The following JAM3 variants were observed in gnomAD, a reference collection of about 807,000 sequenced individuals.
JAM3 encodes the protein junctional adhesion molecule 3.
Under a neutral mutation model 39.4 loss-of-function variants are expected in JAM3, and 31 were observed. The ratio of observed to expected loss-of-function variants is 0.79; its 90% CI spans 0.59 to 1.06. The LOEUF is 1.06. Among genes scored for constraint, JAM3 ranks in the 50% least tolerant of loss-of-function variants. The pLI, the probability that JAM3 is intolerant of heterozygous loss-of-function variation, is 0.00. For synonymous variants in JAM3, 182 were observed against 148.7 expected (o/e 1.22, Z -1.63); for missense variants, 455 against 391.4 (o/e 1.16, Z -1.37).
At chr11:134,147,567 A>G (rs113163924) in intron 6 of JAM3, among the ~76,000 whole-genome samples, 11,722 of 147,258 alleles carry the variant, frequency 0.08, 597 homozygotes, top group Admixed American at 0.11. Flanking sequence ...GCTCACTGCA[A>G]GCTCCGCCTC....
chr11:134,142,642 G>T (rs1011381571), intron 3 of JAM3, among the ~76,000 whole-genome samples: 1 of 152,006 alleles, frequency 6.6e-6, no homozygotes, highest in Admixed American at 6.6e-5. Flanking sequence ...GCTGTAATTC[G>T]TACCGCATCC....
intron 1 of JAM3, among the ~76,000 whole-genome samples, chr11:134,094,591 T>C (rs1941940969): frequency 6.6e-6 from 1 of 151,500 alleles, no homozygotes; most frequent in Non-Finnish European, 1.5e-5. Flanking sequence ...TGTTCCACCT[T>C]ACATGTCACT....
intron 1 of JAM3, among the ~76,000 whole-genome samples, chr11:134,121,662 A>G (rs1942534509): frequency 6.6e-6 from 1 of 152,212 alleles, no homozygotes; most frequent in Admixed American, 6.5e-5. Context: ...AAAAAAATCC[A>G]GTTTTGAGAA....
intron 1 of JAM3, among the ~76,000 whole-genome samples, chr11:134,118,633 T>TCCTCCTCTCTC (rs1284884265): frequency 1.3e-5 from 2 of 152,138 alleles, no homozygotes; most frequent in African/African-American, 4.8e-5. Flanking sequence ...CCTTTACTCT[T>TCCTCCTCTCTC]CCTCCTCTCT....
At chr11:134,121,153 G>A (rs1479277996) in intron 1 of JAM3, among the ~76,000 whole-genome samples, 1 of 152,210 alleles carries the variant, frequency 6.6e-6, no homozygotes, top group Non-Finnish European at 1.5e-5. Context: ...CTGGGGGACT[G>A]TGCTCCAGGG....
In JAM3 at chr11:134,148,578, G is replaced by C; in HGVS notation, c.744G>C (p.Gly248=). 6.2e-7 allele frequency: 1 copy of C among 1,614,144 alleles called. No individual in the cohort carries two copies. Among genetic ancestry groups the C allele is most frequent in the Non-Finnish European group, 8.5e-7 (1 of 1,180,034 alleles). ...TGAACATTGGCGGAATTATTGGGGG[G>C]GTTCTGGTTGTCCTTGCTGTACTGG... ...YDLNIGGIIG[G]VLVVLAVLAL... Residue 248 remains glycine (G), a synonymous_variant, in exon 7 of 9, where the codon GGG becomes GGC. Transcript: ENST00000299106.
chr11:134,104,239 A>G (rs144079249), intron 1 of JAM3, among the ~76,000 whole-genome samples: 1 of 152,182 alleles, frequency 6.6e-6, no homozygotes, highest in Non-Finnish European at 1.5e-5. Context: ...AAACTGAACA[A>G]CCTGCTCCTG....
chr11:134,147,540 G>T (rs1240673913), intron 6 of JAM3, among the ~76,000 whole-genome samples: 2 of 149,624 alleles, frequency 1.3e-5, no homozygotes, highest in East Asian at 4.1e-4. Flanking sequence ...AGGCTGGAGT[G>T]CAGTGGCACA....
intron 1 of JAM3, among the ~76,000 whole-genome samples, chr11:134,105,143 A>C (rs1176486023): frequency 6.6e-6 from 1 of 152,198 alleles, no homozygotes; most frequent in Non-Finnish European, 1.5e-5. Context: ...CACATCAAAA[A>C]GCTTATCCAC....
intron 5 of JAM3, 157 bp downstream of exon 5, chr11:134,145,151 T>G: frequency 1.6e-6 from 1 of 622,666 alleles, no homozygotes; most frequent in Non-Finnish European, 2.9e-6. Flanking sequence ...ATGACCCTTC[T>G]TCCTTTTATA....
At chr11:134,127,041 T>C (rs1346298209) in intron 1 of JAM3, among the ~76,000 whole-genome samples, 5 of 152,224 alleles carry the variant, frequency 3.3e-5, no homozygotes, top group Non-Finnish European at 5.9e-5. Flanking sequence ...ACATTTCTGG[T>C]CAAGCATGCA....
intron 1 of JAM3, among the ~76,000 whole-genome samples, chr11:134,104,448 C>G (rs1401825118): frequency 6.6e-6 from 1 of 151,994 alleles, no homozygotes; most frequent in African/African-American, 2.4e-5. Context: ...ATTAAAAGAA[C>G]TAGAGAAGCA....
intron 1 of JAM3, among the ~76,000 whole-genome samples, chr11:134,077,304 T>C (rs1471023246): frequency 6.6e-6 from 1 of 151,994 alleles, no homozygotes; most frequent in Non-Finnish European, 1.5e-5. Context: ...CACTTTTTAA[T>C]GGGATTATTT....
At chr11:134,113,879 G>A (rs1222234065) in intron 1 of JAM3, among the ~76,000 whole-genome samples, 2 of 152,112 alleles carry the variant, frequency 1.3e-5, no homozygotes, top group African/African-American at 4.8e-5. Context: ...TTTAATGATC[G>A]CAATTCTAAC....
intron 1 of JAM3, among the ~76,000 whole-genome samples, chr11:134,121,261 G>A (rs470547): frequency 0.4 from 60,116 of 152,032 alleles, 12,929 homozygotes; most frequent in African/African-American, 0.58. Flanking sequence ...CAGAGTTTCC[G>A]GAAGGTCTCT....
rs1467779741 is a variant in JAM3 at position 134,151,834 on chromosome 11, C to G, written c.*2653C>G. ...GCATTTCAGTGGTTAGGCATGCACA[C>G]TAAAAATGCTATCAATCACCCATCC... On this transcript the variant is annotated 3_prime_UTR_variant, in exon 9 of 9. Coordinates refer to ENST00000299106, the MANE Select transcript of JAM3 (RefSeq NM_032801.5). 1.4e-5 allele frequency: 2 copies of G among 142,102 alleles called. No individual in the cohort carries two copies. 8.8% of individuals were successfully genotyped at this position (142,102 alleles called of 1,614,324 possible).
chr11:134,086,029 T>G (rs1941741235), intron 1 of JAM3, among the ~76,000 whole-genome samples: 1 of 152,226 alleles, frequency 6.6e-6, no homozygotes, highest in South Asian at 2.1e-4. Flanking sequence ...TTGCTGATAC[T>G]TTGTAGTTTT....
rs189949636 is a variant in JAM3 at position 134,098,592 on chromosome 11, C to T, written c.76+29433C>T. ...GGGTCAGTTGTCTTCCTTATATGTT[C>T]GCCTTAGCTAAAATGGCAGAGAGAA... On this transcript the variant is annotated intron_variant, in intron 1 of 8. Coordinates refer to ENST00000299106, the MANE Select transcript of JAM3 (RefSeq NM_032801.5). Among the ~76,000 whole-genome samples, 67 of 152,220 alleles carry T rather than the reference C, an allele frequency of 4.4e-4. No individual in the cohort carries two copies. In the East Asian group the frequency reaches 5.8e-3, roughly 13 times the overall value.
chr11:134,150,597 CTT>C lies in JAM3; in HGVS notation c.*1420_*1421del, dbSNP rs1161725336. ...AGCTTTGGGCTCCTGTAACAGACCT[CTT>C]TTTGGTTATGGATGGCTCACAAAAT... On this transcript the variant is annotated 3_prime_UTR_variant, in exon 9 of 9. Coordinates refer to ENST00000299106, the MANE Select transcript of JAM3 (RefSeq NM_032801.5). 6.6e-6 allele frequency: 1 copy of C among 151,978 alleles called. No individual in the cohort carries two copies. Among genetic ancestry groups the C allele is most frequent in the African/African-American group, 2.4e-5 (1 of 41,354 alleles). The allele number at this position is 151,978 out of a possible 1,614,324, so 9.4% of individuals were successfully genotyped here.
Sources: allele counts gnomAD v4.1 joint callset (sites outside exome capture counted in the v4.1 genomes callset), GRCh38; gene constraint gnomAD v4.1.1; transcripts MANE v1.5; gene names NCBI Gene and HGNC (gene_info 2026-07-23, HGNC 2026-07-21).